Variants in MAPK8 observed in about 807,000 individuals in gnomAD.
MAPK8 encodes the protein JUN N-terminal kinase.
In MAPK8, 13 loss-of-function variants were observed where a neutral mutation model predicts 52.9. The ratio of observed to expected loss-of-function variants is 0.25; its 90% CI spans 0.16 to 0.39. The LOEUF (loss-of-function observed/expected upper bound fraction) is 0.39. Ranked by LOEUF, MAPK8 falls within the 10% of genes least tolerant of loss-of-function variation. MAPK8 has a pLI of 1.00. For synonymous variants in MAPK8, 191 were observed against 169.8 expected (o/e 1.12, Z -0.97); for missense variants, 300 against 519.2 (o/e 0.58, Z 4.10).
intron 1 of MAPK8, among the ~76,000 whole-genome samples, chr10:48,399,667 T>A (rs1297697042): frequency 6.6e-6 from 1 of 152,192 alleles, no homozygotes; most frequent in Non-Finnish European, 1.5e-5. Context: ...TTCCAGCAAG[T>A]GGAGAAACTC....
rs899893298 is a variant in MAPK8 at position 48,437,660 on chromosome 10, CTG to C, written c.*2633_*2634del. 41 of 152,302 alleles carry C rather than the reference CTG, an allele frequency of 2.7e-4. No homozygotes were observed. The highest frequency in any genetic ancestry group is 9.4e-4 in the African/African-American group (39 of 41,562). 9.4% of individuals were successfully genotyped at this position (152,302 alleles called of 1,614,324 possible). On this transcript the variant is annotated 3_prime_UTR_variant, in exon 12 of 12. Coordinates refer to ENST00000374189, the MANE Select transcript of MAPK8 (RefSeq NM_001323329.2). ...TATACGCAGATAGAGCATCTCAACT[CTG>C]TCATAGTGTTTGCTGAACAGTTTTC...
In MAPK8 at chr10:48,425,678, A is replaced by G. The variant is rs377254926; in HGVS notation, c.689-210A>G. ...TAAGGTAAAATCAGTTAGTTTGAAC[A>G]CACAATAAATAAGGTTAATAAAGCT... On this transcript the variant is annotated intron_variant, in intron 7 of 11. Coordinates refer to ENST00000374189, the MANE Select transcript of MAPK8 (RefSeq NM_001323329.2). The G allele has an allele frequency of 2.2e-5, 9 of 411,826 alleles. No individual in the cohort carries two copies. In the South Asian group the frequency reaches 3.9e-4, roughly 18 times the overall value. The allele number at this position is 411,826 out of a possible 1,614,324, so 25.5% of individuals were successfully genotyped here. A position where few individuals can be genotyped will look rare whatever the true frequency, so the allele number is the denominator to read the frequency against.
At chr10:48,385,931 C>T (rs1450719496) in intron 1 of MAPK8, among the ~76,000 whole-genome samples, 2 of 151,768 alleles carry the variant, frequency 1.3e-5, no homozygotes, top group African/African-American at 2.4e-5. Context: ...AGCCATTTGC[C>T]ATGGAATCTT....
Position 48,383,543 on chromosome 10 carries a change from T to C in MAPK8, c.-49-18069T>C, listed in dbSNP as rs181337375. 2.6e-5 allele frequency among the ~76,000 whole-genome samples: 4 copies of C among 152,362 alleles called. No individual in the cohort carries two copies. In the East Asian group the frequency reaches 5.8e-4, roughly 22 times the overall value. On this transcript the variant is annotated intron_variant, in intron 1 of 11. Transcript: ENST00000374189. ...GTTCTAAAGAATTTTAACTCTGTTT[T>C]AGATCTTATCTCAGCTGGAATGCTG...
chr10:48,394,437 C>T (rs1286803311), intron 1 of MAPK8, among the ~76,000 whole-genome samples: 4 of 151,838 alleles, frequency 2.6e-5, no homozygotes, highest in African/African-American at 7.2e-5. Context: ...GGTGGTTTAA[C>T]ATTTGAAAAT....
At chr10:48,357,614 T>C (rs1255761177) in intron 1 of MAPK8, among the ~76,000 whole-genome samples, 1 of 152,088 alleles carries the variant, frequency 6.6e-6, no homozygotes, top group Non-Finnish European at 1.5e-5. Context: ...CCCAGGCTGG[T>C]CTCGAACCCC....
rs1294654799 is a variant in MAPK8, at chr10:48,306,684, A to C, written c.-187A>C. 1.3e-5 allele frequency: 2 copies of C among 150,930 alleles called. No individual in the cohort carries two copies. The highest frequency in any genetic ancestry group is 2.4e-5 in the African/African-American group (1 of 41,212). 9.3% of individuals were successfully genotyped at this position (150,930 alleles called of 1,614,324 possible). On this transcript the variant is annotated 5_prime_UTR_variant, in exon 1 of 12. Transcript: ENST00000374189. ...GTGACGGCCCGCGTCTCTGTTACTC[A>C]GCCGAGCGGCCGAGGCCGGACGACG...
At chr10:48,314,577 A>G (rs1842316472) in intron 1 of MAPK8, among the ~76,000 whole-genome samples, 1 of 152,208 alleles carries the variant, frequency 6.6e-6, no homozygotes, top group Non-Finnish European at 1.5e-5. Flanking sequence ...TTCCTAGGCC[A>G]GCGTATGTGC....
At chr10:48,373,109 A>G (rs953927039) in intron 1 of MAPK8, among the ~76,000 whole-genome samples, 41 of 152,190 alleles carry the variant, frequency 2.7e-4, no homozygotes, top group Non-Finnish European at 5.6e-4. Flanking sequence ...AGAATTTTCA[A>G]TCGAGAATTT....
At chr10:48,390,847 T>C (rs1589159627) in intron 1 of MAPK8, among the ~76,000 whole-genome samples, 1 of 152,364 alleles carries the variant, frequency 6.6e-6, no homozygotes, top group East Asian at 1.9e-4. Flanking sequence ...AGCAGTTGTT[T>C]GTTCTAACTC....
intron 3 of MAPK8, among the ~76,000 whole-genome samples, chr10:48,406,859 C>CT (rs1372946992): frequency 1.3e-5 from 2 of 152,180 alleles, no homozygotes; most frequent in Non-Finnish European, 2.9e-5. Flanking sequence ...GCACACAGTA[C>CT]TGCACGTCTG....
chr10:48,397,356 A>G (rs570935136), intron 1 of MAPK8, among the ~76,000 whole-genome samples: 10 of 151,362 alleles, frequency 6.6e-5, no homozygotes, highest in Admixed American at 2.6e-4. Flanking sequence ...GGGTCTCTCT[A>G]TGTTGCCTAG....
intron 1 of MAPK8, among the ~76,000 whole-genome samples, chr10:48,397,978 A>T (rs1237747002): frequency 1.3e-5 from 2 of 152,162 alleles, no homozygotes; most frequent in Admixed American, 6.5e-5. Flanking sequence ...CACACAGGGC[A>T]TGTAAAAACT....
At chr10:48,384,582 T>A (rs911975054) in intron 1 of MAPK8, among the ~76,000 whole-genome samples, 23 of 152,194 alleles carry the variant, frequency 1.5e-4, no homozygotes, top group Non-Finnish European at 5.9e-5. Flanking sequence ...TCAGCATGGA[T>A]AGCTCTGATA....
intron 1 of MAPK8, among the ~76,000 whole-genome samples, chr10:48,399,441 C>T (rs534237004): frequency 6.6e-6 from 1 of 152,322 alleles, no homozygotes; most frequent in South Asian, 2.1e-4. Flanking sequence ...GTCTGCCTGC[C>T]TCTGCCCTGC....
At chr10:48,338,638 A>T (rs868293184) in intron 1 of MAPK8, among the ~76,000 whole-genome samples, 1 of 152,076 alleles carries the variant, frequency 6.6e-6, no homozygotes, top group African/African-American at 2.4e-5. Flanking sequence ...GTCAAATTAT[A>T]TGCTTGTTGA....
chr10:48,380,241 C>CA (rs967609257), intron 1 of MAPK8, among the ~76,000 whole-genome samples: 2 of 151,214 alleles, frequency 1.3e-5, no homozygotes, highest in African/African-American at 4.9e-5. Context: ...GACTCCGTCT[C>CA]AAAAAAAAGA....
chr10:48,411,814 T>G (rs1181821474), intron 5 of MAPK8, among the ~76,000 whole-genome samples: 3 of 104,744 alleles, frequency 2.9e-5, no homozygotes, highest in South Asian at 3.7e-4. Context: ...CTTCCCTCCC[T>G]TCCCCCCTCC....
At chr10:48,427,637 G>A (rs1019825931) in intron 10 of MAPK8, among the ~76,000 whole-genome samples, 3 of 152,028 alleles carry the variant, frequency 2.0e-5, no homozygotes, top group South Asian at 2.1e-4. Flanking sequence ...GACTACAGGC[G>A]CCTGCCATCA....
Sources: gnomAD v4.1 joint callset for allele counts (sites outside exome capture counted in the v4.1 genomes callset) on GRCh38, gnomAD v4.1.1 for gene constraint, MANE v1.5 for transcripts, NCBI Gene and HGNC (gene_info 2026-07-23, HGNC 2026-07-21) for gene names.